SNX15: variants seen among roughly 807,000 people sequenced by gnomAD.
SNX15 encodes sorting nexin 15.
SNX15 carries 29 observed loss-of-function variants against 35.2 expected under a neutral mutation model. The observed-to-expected ratio is 0.82, with a 90% CI of 0.61 to 1.12. The LOEUF (loss-of-function observed/expected upper bound fraction) is 1.12. SNX15 is among the 50% of genes most tolerant of loss of function. The pLI is 0.00. For missense variants in SNX15, 400 were observed against 451.5 expected, an observed-to-expected ratio of 0.89 and a Z score of 1.03; for synonymous variants, 189 against 188.2, an observed-to-expected ratio of 1.00 and a Z score of -0.03.
chr11:65,039,949 C>A lies in SNX15; in HGVS notation c.*157C>A. The A allele has an allele frequency of 1.8e-6, 1 of 564,604 alleles. No homozygotes were observed. The highest frequency in any genetic ancestry group is 3.2e-6 in the Non-Finnish European group (1 of 308,320). 35.0% of individuals were successfully genotyped at this position (564,604 alleles called of 1,614,324 possible). ...AGAAAAATAATGAATTCTTAGCTCC[C>A]TGATTACACCTGCCACCTTGGAATC... On this transcript the variant is annotated 3_prime_UTR_variant, in exon 8 of 8. Transcript: ENST00000377244.
intron 7 of SNX15, 78 bp from the exon 8 acceptor site, chr11:65,039,608 A>T: frequency 1.2e-6 from 1 of 832,100 alleles, no homozygotes; most frequent in South Asian, 1.5e-5. Flanking sequence ...TGCTCTGCGA[A>T]TTGTAAAGGA....
intron 6 of SNX15, chr11:65,036,449 A>G (rs1166380359): frequency 2.0e-5 from 3 of 152,260 alleles, no homozygotes; most frequent in Non-Finnish European, 2.9e-5. Flanking sequence ...CAGTGGCGCA[A>G]TCTCTGCTCA....
chr11:65,028,551 C>G (rs1423419002), intron 1 of SNX15, among the ~76,000 whole-genome samples: 2 of 152,040 alleles, frequency 1.3e-5, no homozygotes, highest in East Asian at 3.8e-4. Context: ...AGGCCGGGCT[C>G]AGTGGCTCAT....
At chr11:65,029,308 C>T (rs756874080) in intron 1 of SNX15, among the ~76,000 whole-genome samples, 50 of 150,878 alleles carry the variant, frequency 3.3e-4, no homozygotes, top group Non-Finnish European at 5.8e-4. Context: ...AGGCACGCGT[C>T]ACCATGCCCA....
In SNX15 at chr11:65,039,751, G is replaced by C; in HGVS notation, c.988G>C (p.Glu330Gln). The C allele has an allele frequency of 6.2e-7, 1 of 1,613,624 alleles. No homozygotes were observed. The highest frequency in any genetic ancestry group is 8.5e-7 in the Non-Finnish European group (1 of 1,179,830). Residue 330 changes from glutamate (E) to glutamine (Q), a missense_variant, in exon 8 of 8, where the codon GAG becomes CAG. Coordinates refer to ENST00000377244, the MANE Select transcript of SNX15 (RefSeq NM_013306.5). ...GGCAGCTGAGTACCTGAAGCGGGCA[G>C]AGGAGATCCTGCGCCTGCACCTGTC... ...KKAAEYLKRAEEILRLHLSQL... is the reference protein window; with the variant it reads ...KKAAEYLKRAQEILRLHLSQL...
chr11:65,038,190 C>A (rs1946525535), intron 6 of SNX15: 1 of 823,516 alleles, frequency 1.2e-6, no homozygotes, highest in Non-Finnish European at 1.5e-6. Flanking sequence ...TATTCCAAGT[C>A]TTGGAGCATT....
Position 65,038,827 on chromosome 11 carries a change from C to T in SNX15, c.920C>T (p.Pro307Leu). The change falls in exon 7 of 8, where the codon CCC becomes CTC. Residue 307 changes from proline to leucine, a missense_variant and splice_region_variant. By Grantham distance (98) the Pro-to-Leu change is moderately conservative. Coordinates refer to ENST00000377244, the MANE Select transcript of SNX15 (RefSeq NM_013306.5). ...DGVHVLLQGV[P>L]SDPLPARQEG... ...GTGCACGTCTTGCTTCAGGGAGTCCCCAGTGAGTAGGGACTGAGGGTGGAG... is the reference window on the plus strand; with the variant it reads ...GTGCACGTCTTGCTTCAGGGAGTCCTCAGTGAGTAGGGACTGAGGGTGGAG... 1 of 1,577,878 alleles carries T rather than the reference C, an allele frequency of 6.3e-7. No homozygotes were observed. The highest frequency in any genetic ancestry group is 8.6e-7 in the Non-Finnish European group (1 of 1,160,166).
rs149952815 is a variant in SNX15, at chr11:65,035,371, A to G, written c.521-149A>G. The G allele has an allele frequency of 9.9e-3, 12,151 of 1,233,038 alleles. 101 individuals carry two copies. The highest frequency in any genetic ancestry group is 9.9e-3 in the Non-Finnish European group (8,753 of 880,512). The allele number at this position is 1,233,038 out of a possible 1,614,324, so 76.4% of individuals were successfully genotyped here. A position where few individuals can be genotyped will look rare whatever the true frequency, so the allele number is the denominator to read the frequency against. On this transcript the variant is annotated intron_variant, in intron 5 of 7. Transcript: ENST00000377244. ...AGGTCCTTTTCCTTCTCTGTGCTAC[A>G]GTTTCTTGATCTGTAAAATGAGCAC...
At chr11:65,033,434 C>T (rs1946463299) in intron 3 of SNX15, among the ~76,000 whole-genome samples, 1 of 150,230 alleles carries the variant, frequency 6.7e-6, no homozygotes, top group South Asian at 2.1e-4. Flanking sequence ...ATCTCAGCTA[C>T]TCAGGAAGCT....
Position 65,040,456 on chromosome 11 carries a change from T to C in SNX15, c.*664T>C, listed in dbSNP as rs1470167655. 6.6e-6 allele frequency: 1 copy of C among 152,138 alleles called. No individual in the cohort carries two copies. The highest frequency in any genetic ancestry group is 6.5e-5 in the Admixed American group (1 of 15,276). The allele number at this position is 152,138 out of a possible 1,614,324, so 9.4% of individuals were successfully genotyped here. On this transcript the variant is annotated 3_prime_UTR_variant, in exon 8 of 8. Coordinates refer to ENST00000377244, the MANE Select transcript of SNX15 (RefSeq NM_013306.5). ...GCTGTGAGAGTGGTTTTTACTTTTTTTAATGATTAAAAAAATCAAAATAAT... is the reference window on the plus strand; with the variant it reads ...GCTGTGAGAGTGGTTTTTACTTTTTCTAATGATTAAAAAAATCAAAATAAT...
In SNX15 at chr11:65,032,700, G is replaced by T. The variant is rs1049006950; in HGVS notation, c.256+149G>T. The T allele has an allele frequency of 7.6e-6, 7 of 919,594 alleles. No individual in the cohort carries two copies. In the South Asian group the frequency reaches 9.7e-5, roughly 13 times the overall value. 57.0% of individuals were successfully genotyped at this position (919,594 alleles called of 1,614,324 possible). On this transcript the variant is annotated intron_variant, in intron 3 of 7. Transcript: ENST00000377244. ...CCCTTAGAGATGACCTCATTTGACAGATGGGGAAACTGAGGCTCAGAGTAG... is the reference window on the plus strand; with the variant it reads ...CCCTTAGAGATGACCTCATTTGACATATGGGGAAACTGAGGCTCAGAGTAG...
intron 3 of SNX15, 43 bp from the exon 4 acceptor site, chr11:65,034,804 G>A: frequency 6.6e-7 from 1 of 1,522,564 alleles, no homozygotes; most frequent in South Asian, 1.1e-5. Context: ...AGCCCCTGTG[G>A]GTCACCGCCA....
chr11:65,039,175 CACCA>C (rs1398810976), intron 7 of SNX15, among the ~76,000 whole-genome samples: 3 of 150,252 alleles, frequency 2.0e-5, no homozygotes, highest in Non-Finnish European at 4.4e-5. Context: ...AGGCGCCCAC[CACCA>C]TGCCTGGCTA....
chr11:65,033,616 G>T (rs1946466414), intron 3 of SNX15, among the ~76,000 whole-genome samples: 1 of 150,806 alleles, frequency 6.6e-6, no homozygotes, highest in African/African-American at 2.4e-5. Flanking sequence ...ATTTAAAATT[G>T]CATATGTAGC....
In SNX15 at chr11:65,039,689, A is replaced by C. The variant is rs1369080051; in HGVS notation, c.926A>C (p.Asp309Ala). 3 of 1,611,570 alleles carry C rather than the reference A, an allele frequency of 1.9e-6. No homozygotes were observed. The African/African-American group carries it at 4.0e-5, about 22-fold the overall frequency. The change falls in exon 8 of 8, where the codon GAC becomes GCC. Residue 309 changes from aspartate to alanine, a missense_variant. Physicochemically the swap from Asp to Ala is moderately radical, Grantham distance 126. Transcript: ENST00000377244. The stretch of plus-strand genomic sequence containing the variant: ...GCTGAGCATTCTCTCTCCACAGGTG[A>C]CCCGTTGCCTGCCCGCCAGGAAGGT... ...VHVLLQGVPSDPLPARQEGVK... is the reference protein window; with the variant it reads ...VHVLLQGVPSAPLPARQEGVK...
In SNX15 at chr11:65,027,440, C is replaced by A; in HGVS notation, c.-98C>A. The A allele has an allele frequency of 2.4e-6, 2 of 829,006 alleles. No homozygotes were observed. Among genetic ancestry groups the A allele is most frequent in the Admixed American group, 2.1e-5 (1 of 47,536 alleles). 51.4% of individuals were successfully genotyped at this position (829,006 alleles called of 1,614,324 possible). A position where few individuals can be genotyped will look rare whatever the true frequency, so the allele number is the denominator to read the frequency against. On this transcript the variant is annotated 5_prime_UTR_variant, in exon 1 of 8. Transcript: ENST00000377244. ...TCCCTAGGCCAGAGGAAGAAGAGCG[C>A]AGGCCTGGCGAGGCGGCGGCGGGCG...
chr11:65,034,850 G>A lies in SNX15; in HGVS notation c.260G>A (p.Arg87Gln), dbSNP rs905366684. 6 of 1,613,572 alleles carry A rather than the reference G, an allele frequency of 3.7e-6. No individual in the cohort carries two copies. Among genetic ancestry groups the A allele is most frequent in the Non-Finnish European group, 5.1e-6 (6 of 1,179,650 alleles). ...TTCCTTGTCCTGGGGGCCGTAGGCCGGTTTGAAGCCTCAGTGATCGAGGAG... is the reference window on the plus strand; with the variant it reads ...TTCCTTGTCCTGGGGGCCGTAGGCCAGTTTGAAGCCTCAGTGATCGAGGAG... ...PAFPRAQVFG[R>Q]FEASVIEERR... The change falls in exon 4 of 8, where the codon CGG becomes CAG. Residue 87 changes from arginine (R) to glutamine (Q), a missense_variant. By Grantham distance (43) the Arg-to-Gln change is conservative. Coordinates refer to ENST00000377244, the MANE Select transcript of SNX15 (RefSeq NM_013306.5).
intron 3 of SNX15, among the ~76,000 whole-genome samples, chr11:65,033,223 G>A (rs1946460747): frequency 6.6e-6 from 1 of 151,790 alleles, no homozygotes; most frequent in South Asian, 2.1e-4. Flanking sequence ...GAGAATATTT[G>A]GGATATATTG....
At chr11:65,037,538 C>T (rs1304906256) in intron 6 of SNX15, 1 of 152,240 alleles carries the variant, frequency 6.6e-6, no homozygotes, top group Non-Finnish European at 1.5e-5. Context: ...CAAGACCCTT[C>T]ACAGACAGCT....
Sources: gnomAD v4.1 joint callset for allele counts (sites outside exome capture counted in the v4.1 genomes callset) on GRCh38, gnomAD v4.1.1 for gene constraint, MANE v1.5 for transcripts, NCBI Gene and HGNC (gene_info 2026-07-23, HGNC 2026-07-21) for gene names.